NHSL1: variants seen among roughly 807,000 people sequenced by gnomAD.
NHSL1 encodes the protein NHS-like protein 1.
NHSL1 carries 48 observed loss-of-function variants against 95.0 expected under a neutral mutation model. That is an observed-to-expected ratio of 0.51 (90% confidence interval 0.40 to 0.64). NHSL1 has a LOEUF of 0.64. Among genes scored for constraint, NHSL1 ranks in the 30% least tolerant of loss-of-function variants. The pLI is 0.00. For missense variants in NHSL1, 1,971 were observed against 2,077.7 expected (o/e 0.95, Z 1.00); for synonymous variants, 783 against 833.9 (o/e 0.94, Z 1.05).
At chr6:138,606,741 T>C (rs1324191821) in intron 1 of NHSL1, among the ~76,000 whole-genome samples, 5 of 150,074 alleles carry the variant, frequency 3.3e-5, no homozygotes, top group Non-Finnish European at 5.9e-5. Context: ...CTCACTCTGT[T>C]GCCCAGGCTG....
Position 138,430,672 on chromosome 6 carries a change from G to C in NHSL1, c.3673C>G (p.Arg1225Gly). 6.4e-7 allele frequency: 1 copy of C among 1,551,674 alleles called. No homozygotes were observed. The highest frequency in any genetic ancestry group is 1.2e-5 in the South Asian group (1 of 84,062). Reference sequence around the variant, plus strand: ...CCCGTCGTGGGGCTGGGCACAGCTCGGAGGGCTTCGCTCACGTTCTCTGCG... The same window carrying C: ...CCCGTCGTGGGGCTGGGCACAGCTCCGAGGGCTTCGCTCACGTTCTCTGCG... ...EPAENVSEAL[R>G]AVPSPTTGEE... The change falls in exon 6 of 8, where the codon CGA (arginine) becomes GGA (glycine). Residue 1225 changes from arginine (R) to glycine (G), a missense_variant. Transcript: ENST00000343505. The surrounding 1 kb of genome is among the most constrained non-coding windows in gnomAD (Gnocchi z 4.7).
chr6:138,689,810 G>GC (rs746662557), intron 1 of NHSL1, among the ~76,000 whole-genome samples: 8 of 150,428 alleles, frequency 5.3e-5, no homozygotes, highest in Non-Finnish European at 1.2e-4. Flanking sequence ...AGACAGTCTC[G>GC]CTAATTTTTG....
At chr6:138,507,023 G>C (rs767772707) in intron 1 of NHSL1, among the ~76,000 whole-genome samples, 1 of 152,118 alleles carries the variant, frequency 6.6e-6, no homozygotes, top group Non-Finnish European at 1.5e-5. Flanking sequence ...GATTACTACT[G>C]TTCATTTCTT....
chr6:138,473,501 C>T (rs892471051), intron 2 of NHSL1, 68 bp from the exon 3 acceptor site: 18 of 1,309,452 alleles, frequency 1.4e-5, no homozygotes, highest in South Asian at 1.1e-4. Context: ...ACTTACTTTA[C>T]GTTTACTCCT....
chr6:138,692,442 C>A lies in NHSL1; in HGVS notation c.96+34G>T. ...AGCAGCTCTCCGGGTGCCTCCCCCGCCGGTTCCCCTCCCCCGGCCCGCCGG... is the reference window on the plus strand; with the variant it reads ...AGCAGCTCTCCGGGTGCCTCCCCCGACGGTTCCCCTCCCCCGGCCCGCCGG... On this transcript the variant is annotated intron_variant, in intron 1 of 3. Coordinates refer to the NHSL1 transcript ENST00000491526. This position sits in a 1 kb window ranked among gnomAD's most constrained non-coding sequence, Gnocchi z 4.0. 4.7e-6 allele frequency: 1 copy of A among 211,592 alleles called. No homozygotes were observed. The highest frequency in any genetic ancestry group is 6.4e-5 in the South Asian group (1 of 15,586). 13.1% of individuals were successfully genotyped at this position (211,592 alleles called of 1,614,324 possible). A position where few individuals can be genotyped will look rare whatever the true frequency, so the allele number is the denominator to read the frequency against.
chr6:138,580,685 A>G (rs1784040340), intron 1 of NHSL1, among the ~76,000 whole-genome samples: 1 of 152,242 alleles, frequency 6.6e-6, no homozygotes, highest in Non-Finnish European at 1.5e-5. Flanking sequence ...GAATTTGGCC[A>G]ACACAATCGT....
chr6:138,613,535 T>C (rs1784541351), intron 1 of NHSL1, among the ~76,000 whole-genome samples: 1 of 152,136 alleles, frequency 6.6e-6, no homozygotes, highest in Admixed American at 6.5e-5. Flanking sequence ...AGTGTTCGAT[T>C]AGAGGAGGAA....
At chr6:138,611,216 A>G (rs1037515366) in intron 1 of NHSL1, among the ~76,000 whole-genome samples, 1 of 152,230 alleles carries the variant, frequency 6.6e-6, no homozygotes, top group Non-Finnish European at 1.5e-5. Context: ...GGAAACCGTC[A>G]GTGTCAACTA....
At chr6:138,656,763 A>G (rs1161522799) in intron 1 of NHSL1, among the ~76,000 whole-genome samples, 2 of 152,188 alleles carry the variant, frequency 1.3e-5, no homozygotes, top group Non-Finnish European at 2.9e-5. Flanking sequence ...TAGCTGGCTA[A>G]TTAGGATGTG....
chr6:138,443,148 C>T (rs1040161528), intron 4 of NHSL1, among the ~76,000 whole-genome samples: 1 of 151,446 alleles, frequency 6.6e-6, no homozygotes, highest in African/African-American at 2.4e-5. Context: ...GCATTATTGA[C>T]ACATATTCAA....
intron 1 of NHSL1, among the ~76,000 whole-genome samples, chr6:138,610,804 G>A (rs755524428): frequency 6.6e-6 from 1 of 152,194 alleles, no homozygotes; most frequent in Non-Finnish European, 1.5e-5. Context: ...TTGGCTGGGC[G>A]CAGTGGCTCA....
intron 1 of NHSL1, among the ~76,000 whole-genome samples, chr6:138,621,058 G>C (rs1439987580): frequency 6.6e-6 from 1 of 152,196 alleles, no homozygotes; most frequent in Admixed American, 6.5e-5. Context: ...GGACACACCA[G>C]GCCCCAGTGG....
intron 1 of NHSL1, among the ~76,000 whole-genome samples, chr6:138,530,920 G>A (rs75781353): frequency 6.6e-6 from 1 of 151,974 alleles, no homozygotes; most frequent in Non-Finnish European, 1.5e-5. Flanking sequence ...ACTTATCCAT[G>A]CAACCAAAAA....
At chr6:138,592,261 T>C (rs1404645035) in intron 1 of NHSL1, among the ~76,000 whole-genome samples, 1 of 152,084 alleles carries the variant, frequency 6.6e-6, no homozygotes, top group Non-Finnish European at 1.5e-5. Flanking sequence ...AACAACTGAA[T>C]GAAAATAGAA....
chr6:138,517,482 G>C (rs1010910955), intron 1 of NHSL1, among the ~76,000 whole-genome samples: 21 of 152,220 alleles, frequency 1.4e-4, no homozygotes, highest in African/African-American at 4.8e-4. Context: ...TTCTGATAAA[G>C]AACATGTAAG....
At chr6:138,556,168 T>A (rs1358913754) in intron 1 of NHSL1, among the ~76,000 whole-genome samples, 1 of 152,100 alleles carries the variant, frequency 6.6e-6, no homozygotes, top group Non-Finnish European at 1.5e-5. Context: ...AAATAATTAC[T>A]AAAGTTGATT....
At chr6:138,563,154 C>T (rs1245651433) in intron 1 of NHSL1, among the ~76,000 whole-genome samples, 1 of 152,202 alleles carries the variant, frequency 6.6e-6, no homozygotes, top group African/African-American at 2.4e-5. Context: ...CCCTTCCTTA[C>T]CAAACCAACT....
chr6:138,527,392 A>T (rs191509642), intron 1 of NHSL1, among the ~76,000 whole-genome samples: 207 of 152,196 alleles, frequency 1.4e-3, no homozygotes, highest in African/African-American at 4.6e-3. Flanking sequence ...CAAAAAATTT[A>T]AAAAAAAGTT....
chr6:138,645,480 CT>C (rs1785006054), intron 1 of NHSL1, among the ~76,000 whole-genome samples: 1 of 150,624 alleles, frequency 6.6e-6, no homozygotes, highest in Admixed American at 6.6e-5. Flanking sequence ...ATAATATTGA[CT>C]TTTTGTTATT....
Sources: gnomAD v4.1 joint callset for allele counts (sites outside exome capture counted in the v4.1 genomes callset) on GRCh38, gnomAD v4.1.1 for gene constraint, Gnocchi (gnomAD v3.1) non-coding constraint, MANE v1.5 for transcripts, NCBI Gene and HGNC (gene_info 2026-07-23, HGNC 2026-07-21) for gene names.